AP4E1: variants seen among roughly 807,000 people sequenced by gnomAD.
AP4E1 encodes the protein adaptor related protein complex 4 subunit epsilon 1, also known as AP-4 complex subunit epsilon-1.
In AP4E1, 56 loss-of-function variants were observed where a neutral mutation model predicts 128.2. The ratio of observed to expected loss-of-function variants is 0.44; its 90% CI spans 0.35 to 0.55. The LOEUF (loss-of-function observed/expected upper bound fraction) is 0.55. Ranked by LOEUF, AP4E1 falls within the 20% of genes least tolerant of loss-of-function variation. AP4E1 has a pLI of 0.00. For missense variants in AP4E1, 1,324 were observed against 1,307.7 expected, an observed-to-expected ratio of 1.01 and a Z score of -0.19; for synonymous variants, 484 against 473.1, an observed-to-expected ratio of 1.02 and a Z score of -0.30.
intron 8 of AP4E1, among the ~76,000 whole-genome samples, chr15:50,935,885 G>A (rs930891068): frequency 1.3e-5 from 2 of 152,170 alleles, no homozygotes; most frequent in Admixed American, 6.5e-5. Context: ...AATTGGGGTG[G>A]TAAACTTTGA....
In AP4E1 at chr15:50,923,352, G is replaced by A. The variant is rs139636319; in HGVS notation, c.347-579G>A. 5.0e-3 allele frequency among the ~76,000 whole-genome samples: 758 copies of A among 152,266 alleles called. 10 individuals carry two copies. The highest frequency in any genetic ancestry group is 0.018 in the African/African-American group (735 of 41,544). On this transcript the variant is annotated intron_variant, in intron 3 of 20. Transcript: ENST00000261842. Reference sequence around the variant, plus strand: ...TAAAAATGCTTATTTAAGCCAATGAGTATATTTAATGTGGCAGACAGTGTT... The same window carrying A: ...TAAAAATGCTTATTTAAGCCAATGAATATATTTAATGTGGCAGACAGTGTT...
At chr15:50,987,264 C>T (rs1220880621) in intron 16 of AP4E1, among the ~76,000 whole-genome samples, 1 of 152,126 alleles carries the variant, frequency 6.6e-6, no homozygotes, top group Non-Finnish European at 1.5e-5. Flanking sequence ...CTCCTGGATT[C>T]ACTGATTTTT....
At chr15:50,918,152 A>C (rs1024450600) in intron 3 of AP4E1, 3 of 152,252 alleles carry the variant, frequency 2.0e-5, no homozygotes, top group African/African-American at 7.2e-5. Context: ...TCATGAAGGC[A>C]TGAACCATGT....
At chr15:50,982,917 A>G (rs1405984790) in intron 15 of AP4E1, among the ~76,000 whole-genome samples, 1 of 152,186 alleles carries the variant, frequency 6.6e-6, no homozygotes, top group Non-Finnish European at 1.5e-5. Flanking sequence ...CAGTTTCCTC[A>G]TTTGTAAAAT....
intron 18 of AP4E1, 40 bp downstream of exon 18, chr15:50,997,923 A>T: frequency 6.7e-7 from 1 of 1,493,348 alleles, no homozygotes; most frequent in Non-Finnish European, 9.1e-7. Flanking sequence ...TTCAGTGTAT[A>T]TTTTGTGTTC....
chr15:50,929,032 T>C lies in AP4E1; in HGVS notation c.566T>C (p.Val189Ala). Residue 189 changes from valine (V) to alanine (A), a missense_variant, in exon 6 of 21, where the codon GTT becomes GCT. Coordinates refer to ENST00000261842, the MANE Select transcript of AP4E1 (RefSeq NM_007347.5). ...AGGGAGATTGTACGAAGAAAAGCTG[T>C]TCTGGCATTATACAAATTCCATCTC... ...HSKEIVRRKA[V>A]LALYKFHLIA... The C allele has an allele frequency of 6.2e-7, 1 of 1,613,846 alleles. No homozygotes were observed. The highest frequency in any genetic ancestry group is 8.5e-7 in the Non-Finnish European group (1 of 1,179,844).
intron 13 of AP4E1, 36 bp downstream of exon 13, chr15:50,950,205 C>CA: frequency 7.3e-7 from 1 of 1,369,580 alleles, no homozygotes; most frequent in Non-Finnish European, 1.0e-6. Flanking sequence ...ATTTTTATAA[C>CA]ATTTTTAATA....
chr15:50,937,159 T>C (rs998317444), intron 8 of AP4E1, among the ~76,000 whole-genome samples: 1 of 152,238 alleles, frequency 6.6e-6, no homozygotes, highest in African/African-American at 2.4e-5. Context: ...AATCCTGATA[T>C]AGGTATTTTA....
At chr15:50,946,168 A>C (rs529603620) in intron 10 of AP4E1, among the ~76,000 whole-genome samples, 5 of 152,352 alleles carry the variant, frequency 3.3e-5, no homozygotes, top group Admixed American at 3.3e-4. Context: ...GATAAAGACT[A>C]TCTAACTATT....
chr15:50,936,324 C>G (rs1032476318), intron 8 of AP4E1, among the ~76,000 whole-genome samples: 1 of 150,238 alleles, frequency 6.7e-6, no homozygotes, highest in African/African-American at 2.4e-5. Context: ...GAAAGTCTTT[C>G]GGGAAATTCT....
intron 16 of AP4E1, among the ~76,000 whole-genome samples, chr15:50,991,899 A>G (rs1224611158): frequency 6.6e-6 from 1 of 151,622 alleles, no homozygotes; most frequent in African/African-American, 2.4e-5. Flanking sequence ...TGATTTTTTA[A>G]AAATGCCATT....
chr15:50,991,991 T>G (rs2064812791), intron 16 of AP4E1, among the ~76,000 whole-genome samples: 1 of 151,458 alleles, frequency 6.6e-6, no homozygotes, highest in Non-Finnish European at 1.5e-5. Context: ...AACTCCAGTG[T>G]TATTGAGATA....
intron 15 of AP4E1, among the ~76,000 whole-genome samples, chr15:50,976,882 T>C (rs529036345): frequency 2.2e-4 from 33 of 152,224 alleles, no homozygotes; most frequent in African/African-American, 7.2e-4. Context: ...AAGGCACAAA[T>C]AAATGGAAAT....
chr15:50,946,433 G>A (rs2064062998), intron 10 of AP4E1, among the ~76,000 whole-genome samples: 1 of 152,048 alleles, frequency 6.6e-6, no homozygotes. Flanking sequence ...ATAACTGAAT[G>A]TATTTCTAGT....
At chr15:50,931,445 A>G (rs1294441532) in intron 7 of AP4E1, among the ~76,000 whole-genome samples, 1 of 152,162 alleles carries the variant, frequency 6.6e-6, no homozygotes, top group African/African-American at 2.4e-5. Context: ...GCGCGCCTGT[A>G]ATCCTAGCTA....
rs150788754 is a variant in AP4E1, at chr15:50,962,152, A to G, written c.1851+3358A>G. Among the ~76,000 whole-genome samples, 459 of 152,220 alleles carry G rather than the reference A, an allele frequency of 3.0e-3. 1 individual carries two copies. Among genetic ancestry groups the G allele is most frequent in the African/African-American group, 0.011 (449 of 41,570 alleles). On this transcript the variant is annotated intron_variant, in intron 14 of 20. Coordinates refer to ENST00000261842, the MANE Select transcript of AP4E1 (RefSeq NM_007347.5). ...ACAAATGGAAATAAATCCCATGCTC[A>G]TGGATCACATGAATATTGTTAAAAT...
intron 16 of AP4E1, among the ~76,000 whole-genome samples, chr15:50,984,836 C>T (rs1285863380): frequency 4.6e-5 from 7 of 152,088 alleles, no homozygotes; most frequent in Non-Finnish European, 8.8e-5. Context: ...AATGGGATTG[C>T]TGGGTCAAAT....
chr15:50,945,845 A>G, intron 10 of AP4E1: 1 of 798,062 alleles, frequency 1.3e-6, no homozygotes, highest in East Asian at 2.4e-5. Context: ...TGTCATTGAC[A>G]TCTACCAAAA....
intron 4 of AP4E1, 100 bp downstream of exon 4, chr15:50,924,104 G>A (rs2141145517): frequency 1.0e-6 from 1 of 999,100 alleles, no homozygotes; most frequent in South Asian, 1.4e-5. Flanking sequence ...GAAGAAAGTG[G>A]GCTTGCAGAA....
Sources: allele counts gnomAD v4.1 joint callset (sites outside exome capture counted in the v4.1 genomes callset), GRCh38; gene constraint gnomAD v4.1.1; transcripts MANE v1.5; gene names NCBI Gene and HGNC (gene_info 2026-07-23, HGNC 2026-07-21).